Variants in MAD2L2 observed in about 807,000 individuals in gnomAD.
MAD2L2 encodes the protein mitotic arrest deficient 2 like 2.
Under a neutral mutation model 30.5 loss-of-function variants are expected in MAD2L2, and 17 were observed. The observed-to-expected ratio is 0.56, with a 90% confidence interval of 0.38 to 0.84. The LOEUF (loss-of-function observed/expected upper bound fraction) is 0.84, where lower values mean the gene tolerates loss of function less well. Among genes scored for constraint, MAD2L2 ranks in the 40% least tolerant of loss-of-function variants. The pLI is 0.00. For missense variants in MAD2L2, 213 were observed against 277.4 expected (o/e 0.77, Z 1.65); for synonymous variants, 101 against 113.9 (o/e 0.89, Z 0.72).
chr1:11,678,602 G>A (rs1640812222), intron 3 of MAD2L2, among the ~76,000 whole-genome samples: 4 of 152,116 alleles, frequency 2.6e-5, no homozygotes, highest in Admixed American at 1.3e-4. Context: ...AAGAACTAAG[G>A]AACTGTGTGG....
At chr1:11,676,309 G>A (rs764135945) in intron 5 of MAD2L2, among the ~76,000 whole-genome samples, 169 bp from the exon 6 acceptor site, 15 of 152,160 alleles carry the variant, frequency 9.9e-5, no homozygotes, top group Non-Finnish European at 1.8e-4. Context: ...CAGCAAGGGA[G>A]TTTAAAAGAA....
intron 5 of MAD2L2, among the ~76,000 whole-genome samples, chr1:11,676,633 G>C (rs1640773728): frequency 6.6e-6 from 1 of 152,204 alleles, no homozygotes; most frequent in Non-Finnish European, 1.5e-5. Flanking sequence ...TGTGTCCTGG[G>C]CTCTGCCCCC....
rs1267903585 is a variant in MAD2L2 at position 11,675,078 on chromosome 1, T to A, written c.594+4A>T. ...AAAGCTTCCCGGGTCCCCACGAAGC[T>A]CACCTTTAAAATGTCCGACGTCATG... On this transcript the variant is annotated splice_donor_region_variant and intron_variant, in intron 8 of 8. Coordinates refer to ENST00000376692, the MANE Select transcript of MAD2L2 (RefSeq NM_006341.4). 1 of 1,579,772 alleles carries A rather than the reference T, an allele frequency of 6.3e-7. No homozygotes were observed. The highest frequency in any genetic ancestry group is 8.6e-7 in the Non-Finnish European group (1 of 1,160,970).
Position 11,674,566 on chromosome 1 carries a change from G to A in MAD2L2, c.*209C>T, listed in dbSNP as rs1570282600. On this transcript the variant is annotated 3_prime_UTR_variant, in exon 9 of 9. Coordinates refer to ENST00000376692, the MANE Select transcript of MAD2L2 (RefSeq NM_006341.4). This position sits in a 1 kb window ranked among gnomAD's most constrained non-coding sequence, Gnocchi z 6.1. ...AGTGTTGGCCGGCGGAACCCCAGGA[G>A]GCTGAGAAGTCGAGGTTGCGGCATC... 6.9e-6 allele frequency: 4 copies of A among 577,672 alleles called. No individual in the cohort carries two copies. The highest frequency in any genetic ancestry group is 5.9e-5 in the East Asian group (2 of 34,186). The allele number at this position is 577,672 out of a possible 1,614,324, so 35.8% of individuals were successfully genotyped here. A position where few individuals can be genotyped will look rare whatever the true frequency, so the allele number is the denominator to read the frequency against.
rs748925660 is a variant in MAD2L2, at chr1:11,676,964, C to A, written c.232-16G>T. 19 of 1,596,760 alleles carry A rather than the reference C, an allele frequency of 1.2e-5. 1 individual carries two copies. The South Asian group carries it at 2.1e-4, about 18-fold the overall frequency. ...CCACATCATTCTGCAAAGAGAGGAA[C>A]CCCCACTGCAGAGCCAGGCACCCCA... On this transcript the variant is annotated splice_polypyrimidine_tract_variant and intron_variant, in intron 4 of 8. Coordinates refer to ENST00000376692, the MANE Select transcript of MAD2L2 (RefSeq NM_006341.4).
chr1:11,679,914 G>C (rs944186170), intron 3 of MAD2L2, among the ~76,000 whole-genome samples: 1 of 151,120 alleles, frequency 6.6e-6, no homozygotes, highest in Non-Finnish European at 1.5e-5. Context: ...TCACCACTTT[G>C]GAACTGGAAG....
chr1:11,681,333 C>G (rs1023671052), upstream of MAD2L2: 6 of 152,372 alleles, frequency 3.9e-5, no homozygotes, highest in Admixed American at 3.3e-4. Context: ...CCTTCAACTT[C>G]GGGTGGGCGC....
chr1:11,681,283 C>T (rs1028392440), upstream of MAD2L2: 1 of 152,266 alleles, frequency 6.6e-6, no homozygotes, highest in Non-Finnish European at 1.5e-5. Flanking sequence ...GGGGCCGGGC[C>T]TCGGCGTCCG....
At chr1:11,683,672 TA>T (rs201236751), upstream of MAD2L2, among the ~76,000 whole-genome samples, 8 of 150,622 alleles carry the variant, frequency 5.3e-5, no homozygotes, top group East Asian at 1.9e-4. Flanking sequence ...TTATTGCAAT[TA>T]AAAAAAAACG....
rs971881249 is a variant in MAD2L2 at position 11,687,428 on chromosome 1, T to A, written c.-692+3985A>T. Reference sequence around the variant, plus strand: ...CTAATTTTTAAATTTTTAGTAGACATGAGGTTTTGCCATATTGGCCAGGCT... The same window carrying A: ...CTAATTTTTAAATTTTTAGTAGACAAGAGGTTTTGCCATATTGGCCAGGCT... On this transcript the variant is annotated intron_variant, in intron 1 of 10. Coordinates refer to the MAD2L2 transcript ENST00000235310. This position sits in a 1 kb window ranked among gnomAD's most constrained non-coding sequence, Gnocchi z 4.1. Among the ~76,000 whole-genome samples the A allele has an allele frequency of 2.0e-5, 3 of 152,128 alleles. No individual in the cohort carries two copies. Among genetic ancestry groups the A allele is most frequent in the Admixed American group, 6.6e-5 (1 of 15,262 alleles).
In MAD2L2 at chr1:11,680,783, G is replaced by C. The variant is rs529732660; in HGVS notation, c.-12-170C>G. The C allele has an allele frequency of 1.9e-4, 251 of 1,349,796 alleles. No homozygotes were observed. The African/African-American group carries it at 2.9e-3, about 16-fold the overall frequency. The allele number at this position is 1,349,796 out of a possible 1,614,324, so 83.6% of individuals were successfully genotyped here. A position where few individuals can be genotyped will look rare whatever the true frequency, so the allele number is the denominator to read the frequency against. On this transcript the variant is annotated intron_variant, in intron 1 of 8. Coordinates refer to ENST00000376692, the MANE Select transcript of MAD2L2 (RefSeq NM_006341.4). ...AACCTCCACCCCCACGCTGGCGTCC[G>C]TGCTTGGGGGCATCAGCCTCTATCC...
chr1:11,674,831 CA>C lies in MAD2L2; in HGVS notation c.595-16del. 6.2e-7 allele frequency: 1 copy of C among 1,613,612 alleles called. No homozygotes were observed. The highest frequency in any genetic ancestry group is 8.5e-7 in the Non-Finnish European group (1 of 1,179,952). On this transcript the variant is annotated splice_polypyrimidine_tract_variant and intron_variant, in intron 8 of 8. Coordinates refer to ENST00000376692, the MANE Select transcript of MAD2L2 (RefSeq NM_006341.4). This position sits in a 1 kb window ranked among gnomAD's most constrained non-coding sequence, Gnocchi z 6.1. ...TAAAGCTGCATCTGACGGACACAAGCAAACAGCCACAGTCAGCAAGACAGCC... is the reference window on the plus strand; with the variant it reads ...TAAAGCTGCATCTGACGGACACAAGCAACAGCCACAGTCAGCAAGACAGCC...
intron 6 of MAD2L2, 74 bp from the exon 7 acceptor site, chr1:11,675,805 T>G: frequency 7.8e-7 from 1 of 1,285,820 alleles, no homozygotes; most frequent in Non-Finnish European, 1.1e-6. Context: ...CTCTTCCCAC[T>G]TCCCTTGCTG....
Position 11,674,627 on chromosome 1 carries a change from A to G in MAD2L2, c.*148T>C. ...CTCCTGGGGGAGGCATCCTCCAAGCAGACCTGAGCGGCCCCGGGCTGGGGC... is the reference window on the plus strand; with the variant it reads ...CTCCTGGGGGAGGCATCCTCCAAGCGGACCTGAGCGGCCCCGGGCTGGGGC... On this transcript the variant is annotated 3_prime_UTR_variant, in exon 9 of 9. Coordinates refer to ENST00000376692, the MANE Select transcript of MAD2L2 (RefSeq NM_006341.4). The surrounding 1 kb of genome is among the most constrained non-coding windows in gnomAD (Gnocchi z 6.1). 1 of 773,872 alleles carries G rather than the reference A, an allele frequency of 1.3e-6. No individual in the cohort carries two copies. The highest frequency in any genetic ancestry group is 2.1e-6 in the Non-Finnish European group (1 of 467,500). The allele number at this position is 773,872 out of a possible 1,614,324, so 47.9% of individuals were successfully genotyped here.
chr1:11,684,912 TTC>T (rs992009558), upstream of MAD2L2, among the ~76,000 whole-genome samples: 1 of 140,992 alleles, frequency 7.1e-6, no homozygotes, highest in African/African-American at 2.7e-5. Flanking sequence ...CAAATTCAGG[TTC>T]TCTCTCTCTC....
rs1375963575 is a variant in MAD2L2 at position 11,690,525 on chromosome 1, G to A, written c.-692+888C>T. Among the ~76,000 whole-genome samples, 1 of 152,210 alleles carries A rather than the reference G, an allele frequency of 6.6e-6. No homozygotes were observed. Among genetic ancestry groups the A allele is most frequent in the Non-Finnish European group, 1.5e-5 (1 of 68,028 alleles). ...AGGCGACTTGCTCGAGGTCATAGGG[G>A]ACGGCATCAGAAGAGGAACACAGAC... On this transcript the variant is annotated intron_variant, in intron 1 of 10. Coordinates refer to the MAD2L2 transcript ENST00000235310. This position sits in a 1 kb window ranked among gnomAD's most constrained non-coding sequence, Gnocchi z 4.2.
upstream of MAD2L2, among the ~76,000 whole-genome samples, chr1:11,683,041 AGCAGCTTTT>A (rs1187038537): frequency 6.6e-6 from 1 of 152,196 alleles, no homozygotes; most frequent in African/African-American, 2.4e-5. Flanking sequence ...AGGCTGCTTA[AGCAGCTTTT>A]GCATTGGTGA....
intron 6 of MAD2L2, 88 bp from the exon 7 acceptor site, chr1:11,675,819 C>T: frequency 2.6e-6 from 3 of 1,164,142 alleles, no homozygotes; most frequent in East Asian, 2.3e-5. Flanking sequence ...CTTGCTGGCT[C>T]AGCAGCACCC....
At chr1:11,684,528 C>T (rs1310164724), upstream of MAD2L2, among the ~76,000 whole-genome samples, 1 of 152,098 alleles carries the variant, frequency 6.6e-6, no homozygotes, top group Non-Finnish European at 1.5e-5. Flanking sequence ...CCAAGAGACA[C>T]TGAAATGGAA....
Sources: allele counts gnomAD v4.1 joint callset (sites outside exome capture counted in the v4.1 genomes callset), GRCh38; gene constraint gnomAD v4.1.1; non-coding constraint Gnocchi (gnomAD v3.1); transcripts MANE v1.5; gene names NCBI Gene and HGNC (gene_info 2026-07-23, HGNC 2026-07-21).